DNAH7: variants seen among roughly 807,000 people sequenced by gnomAD.
DNAH7 encodes the protein dynein axonemal heavy chain 7.
Under a neutral mutation model 444.6 loss-of-function variants are expected in DNAH7, and 397 were observed. The ratio of observed to expected loss-of-function variants is 0.89; its 90% CI spans 0.82 to 0.97. The LOEUF is 0.97. DNAH7 is among the 50% of genes least tolerant of loss of function. DNAH7 has a pLI of 0.00. For missense variants in DNAH7, 4,902 were observed against 4,800.8 expected, an observed-to-expected ratio of 1.02 and a Z score of -0.62; for synonymous variants, 1,636 against 1,624.4, an observed-to-expected ratio of 1.01 and a Z score of -0.17.
intron 54 of DNAH7, among the ~76,000 whole-genome samples, chr2:195,804,273 T>C (rs1287696294): frequency 2.0e-5 from 3 of 152,234 alleles, no homozygotes; most frequent in Non-Finnish European, 2.9e-5. Context: ...AAAATCATTC[T>C]TTTAAAAGCA....
chr2:195,893,610 T>C (rs1303466921), intron 30 of DNAH7: 1 of 152,246 alleles, frequency 6.6e-6, no homozygotes, highest in Non-Finnish European at 1.5e-5. Flanking sequence ...GATAACAATG[T>C]ATCTTCCTAA....
At chr2:195,909,922 C>G in intron 25 of DNAH7, 105 bp downstream of exon 25, 2 of 1,202,964 alleles carry the variant, frequency 1.7e-6, no homozygotes, top group East Asian at 5.1e-5. Context: ...TTTACTTTTA[C>G]TTAAGCTACA....
At chr2:195,821,147 C>G (rs1315451835) in intron 49 of DNAH7, among the ~76,000 whole-genome samples, 2 of 148,686 alleles carry the variant, frequency 1.3e-5, no homozygotes, top group Non-Finnish European at 1.5e-5. Flanking sequence ...TTTTACCCAA[C>G]TGGTGGGAAG....
chr2:196,017,748 T>C (rs537420481), intron 9 of DNAH7, among the ~76,000 whole-genome samples: 1 of 152,240 alleles, frequency 6.6e-6, no homozygotes, highest in East Asian at 1.9e-4. Context: ...CAATTGGCTA[T>C]CTGGAAGAAA....
At chr2:196,000,676 A>G (rs764795254) in intron 12 of DNAH7, 28 bp downstream of exon 12, 1 of 1,451,092 alleles carries the variant, frequency 6.9e-7, no homozygotes, top group Middle Eastern at 1.8e-4. Context: ...ATGCAAATTC[A>G]AGCAATCTTA....
chr2:195,743,425 C>T (rs1052222004), intron 63 of DNAH7, among the ~76,000 whole-genome samples: 3 of 152,070 alleles, frequency 2.0e-5, no homozygotes, highest in Admixed American at 1.3e-4. Context: ...TACTAAAAAA[C>T]GTTCAGCAGC....
intron 46 of DNAH7, among the ~76,000 whole-genome samples, chr2:195,846,967 G>C (rs1699034250): frequency 6.6e-6 from 1 of 150,882 alleles, no homozygotes; most frequent in Non-Finnish European, 1.5e-5. Flanking sequence ...GTGTGTGTGT[G>C]TGTGTGTGTG....
In DNAH7 at chr2:195,960,599, G is replaced by T; in HGVS notation, c.2552C>A (p.Pro851His). ...GGCAGACATGGCCTCCCAGTGCCTG[G>T]GGCGCAAACCAGGATTACAGATCAC... is the stretch of plus-strand genomic sequence containing the variant. ...IQVICNPGLR[P>H]RHWEAMSAIV... The change falls in exon 18 of 65, where the codon CCC becomes CAC. Residue 851 changes from proline to histidine, a missense_variant. Transcript: ENST00000312428. 1 of 1,614,194 alleles carries T rather than the reference G, an allele frequency of 6.2e-7. No individual in the cohort carries two copies. The highest frequency in any genetic ancestry group is 1.1e-5 in the South Asian group (1 of 91,082).
At chr2:195,793,508 G>C (rs1050214554) in intron 57 of DNAH7, among the ~76,000 whole-genome samples, 1 of 152,128 alleles carries the variant, frequency 6.6e-6, no homozygotes, top group Non-Finnish European at 1.5e-5. Flanking sequence ...TCATCTATCT[G>C]GGAGTAACTT....
chr2:195,857,040 CAT>C (rs1699753508), intron 44 of DNAH7, among the ~76,000 whole-genome samples: 1 of 151,964 alleles, frequency 6.6e-6, no homozygotes, highest in African/African-American at 2.4e-5. Flanking sequence ...CTTGTATTAA[CAT>C]GTAACATTTT....
intron 33 of DNAH7, 62 bp downstream of exon 33, chr2:195,888,196 T>C: frequency 7.6e-7 from 1 of 1,321,054 alleles, no homozygotes. Context: ...TTAAAATTGA[T>C]ATGTAAGTCT....
intron 12 of DNAH7, chr2:195,994,815 G>T: frequency 2.2e-6 from 1 of 446,824 alleles, no homozygotes; most frequent in South Asian, 2.0e-5. Context: ...TATAGCTTTG[G>T]ATCAGTTCAT....
At chr2:195,845,432 C>T (rs1265841263) in intron 46 of DNAH7, among the ~76,000 whole-genome samples, 2 of 152,006 alleles carry the variant, frequency 1.3e-5, no homozygotes, top group Non-Finnish European at 2.9e-5. Flanking sequence ...AAATAATTAC[C>T]AATTGTTATT....
At chr2:195,839,575 G>C (rs559756832) in intron 47 of DNAH7, among the ~76,000 whole-genome samples, 1 of 151,736 alleles carries the variant, frequency 6.6e-6, no homozygotes, top group African/African-American at 2.4e-5. Flanking sequence ...TGCAACCAAA[G>C]GCTTGTTCCT....
chr2:195,949,446 G>T (rs1374446428), intron 19 of DNAH7, among the ~76,000 whole-genome samples: 1 of 152,008 alleles, frequency 6.6e-6, no homozygotes, highest in African/African-American at 2.4e-5. Context: ...ACTACACCTG[G>T]CTAATTTTCG....
Position 195,806,843 on chromosome 2 carries a change from A to G in DNAH7, c.10084-11T>C. The G allele has an allele frequency of 4.4e-6, 7 of 1,601,732 alleles. No homozygotes were observed. Among genetic ancestry groups the G allele is most frequent in the Non-Finnish European group, 6.0e-6 (7 of 1,170,258 alleles). The stretch of plus-strand genomic sequence containing the variant: ...CTCATGGTGTGGTTCCTAAAATTAC[A>G]GTGTAAATAATTCAGTTATTTTGGA... On this transcript the variant is annotated splice_polypyrimidine_tract_variant and intron_variant, in intron 53 of 64. Coordinates refer to ENST00000312428, the MANE Select transcript of DNAH7 (RefSeq NM_018897.3).
At chr2:196,016,594 C>T (rs1340336820) in intron 9 of DNAH7, among the ~76,000 whole-genome samples, 2 of 152,142 alleles carry the variant, frequency 1.3e-5, no homozygotes, top group African/African-American at 4.8e-5. Flanking sequence ...TCAGCAGAGG[C>T]CCCTGAAGTA....
intron 25 of DNAH7, among the ~76,000 whole-genome samples, chr2:195,908,785 T>C (rs900255073): frequency 1.3e-5 from 2 of 152,156 alleles, no homozygotes; most frequent in Non-Finnish European, 2.9e-5. Flanking sequence ...TAATTGGTCA[T>C]TTAAATGTTT....
intron 63 of DNAH7, among the ~76,000 whole-genome samples, chr2:195,742,208 C>T (rs1693085375): frequency 6.6e-6 from 1 of 152,142 alleles, no homozygotes; most frequent in African/African-American, 2.4e-5. Flanking sequence ...GTCTTTACCT[C>T]TGTGGCCAGC....
Sources: gnomAD v4.1 joint callset for allele counts (sites outside exome capture counted in the v4.1 genomes callset) on GRCh38, gnomAD v4.1.1 for gene constraint, MANE v1.5 for transcripts, NCBI Gene and HGNC (gene_info 2026-07-23, HGNC 2026-07-21) for gene names.